The following EPG5 variants were observed in gnomAD, a reference collection of about 807,000 sequenced individuals.
EPG5 encodes the protein ectopic P granules protein 5 homolog.
In EPG5, 159 loss-of-function variants were observed where a neutral mutation model predicts 302.7. That is an observed-to-expected ratio of 0.53 (90% CI 0.46 to 0.60). The LOEUF (loss-of-function observed/expected upper bound fraction) is 0.60, where lower values mean the gene tolerates loss of function less well. Among genes scored for constraint, EPG5 ranks in the 20% least tolerant of loss-of-function variants. EPG5 has a pLI of 0.00. For synonymous variants in EPG5, 1,158 were observed against 1,136.8 expected, an observed-to-expected ratio of 1.02 and a Z score of -0.37; for missense variants, 2,896 against 3,092.4, an observed-to-expected ratio of 0.94 and a Z score of 1.51.
chr18:45,879,323 A>G, intron 32 of EPG5, 109 bp from the exon 33 acceptor site: 1 of 719,080 alleles, frequency 1.4e-6, no homozygotes. Context: ...TTTATAAGAG[A>G]GTGGCAAAAA....
chr18:45,934,642 T>A lies in EPG5; in HGVS notation c.2257+167A>T, dbSNP rs929025370. 2.6e-5 allele frequency among the ~76,000 whole-genome samples: 4 copies of A among 152,254 alleles called. No homozygotes were observed. In the East Asian group the frequency reaches 7.7e-4, roughly 29 times the overall value. On this transcript the variant is annotated intron_variant, in intron 11 of 43. Transcript: ENST00000282041. ...GATTTCAGATATGCTAGTTGCTATT[T>A]AATACATCAAAACTGTGAAGCAGTC...
At chr18:45,891,493 C>G (rs1051830799) in intron 27 of EPG5, among the ~76,000 whole-genome samples, 1 of 132,112 alleles carries the variant, frequency 7.6e-6, no homozygotes, top group African/African-American at 3.0e-5. Flanking sequence ...CGTGAGACTC[C>G]GTCTCAAAAA....
chr18:45,946,825 G>T, intron 6 of EPG5, 57 bp from the exon 7 acceptor site: 1 of 1,352,074 alleles, frequency 7.4e-7, no homozygotes, highest in Non-Finnish European at 1.1e-6. Context: ...TGAGTGCATT[G>T]TGGATTCTCT....
Position 45,954,748 on chromosome 18 carries a change from C to A in EPG5, c.654G>T (p.Gln218His), listed in dbSNP as rs753111853. ...CTTCTCCAGCAATTTCAGCTGGCAA[C>A]TGGGGATACAGTTTCTTCACTCTAG... is the stretch of plus-strand genomic sequence containing the variant. Reference protein sequence around the residue: ...QTPRVKKLYPQLPAEIAGEAP... With the variant: ...QTPRVKKLYPHLPAEIAGEAP... The change falls in exon 2 of 44, where the codon CAG becomes CAT. Residue 218 changes from glutamine to histidine, a missense_variant. Physicochemically the swap from Gln to His is conservative, Grantham distance 24. Coordinates refer to ENST00000282041, the MANE Select transcript of EPG5 (RefSeq NM_020964.3). The A allele has an allele frequency of 1.4e-5, 22 of 1,613,820 alleles. No individual in the cohort carries two copies. The Admixed American group carries it at 3.5e-4, about 26-fold the overall frequency.
rs778865590 is a variant in EPG5, at chr18:45,860,136, G to A, written c.6977C>T (p.Thr2326Ile). The A allele has an allele frequency of 3.1e-6, 5 of 1,614,252 alleles. No homozygotes were observed. The highest frequency in any genetic ancestry group is 1.3e-5 in the African/African-American group (1 of 75,080). The change falls in exon 40 of 44, where the codon ACA becomes ATA. Residue 2326 changes from threonine to isoleucine, a missense_variant. Around this residue, in one of 5 missense-constraint regions of EPG5, gnomAD observed 620 missense variants for 704.2 expected, o/e 0.88. Coordinates refer to ENST00000282041, the MANE Select transcript of EPG5 (RefSeq NM_020964.3). ...GAAGTAGGCAGTGATGCAGGCTTCTGTAGTCTCAGCCATGTGGCGGACGGA... is the reference window on the plus strand; with the variant it reads ...GAAGTAGGCAGTGATGCAGGCTTCTATAGTCTCAGCCATGTGGCGGACGGA... ...LASVRHMAETTEACITAYFKE... is the reference protein window; with the variant it reads ...LASVRHMAETIEACITAYFKE...
intron 20 of EPG5, among the ~76,000 whole-genome samples, chr18:45,914,563 C>T (rs1365218390): frequency 2.0e-5 from 3 of 152,264 alleles, no homozygotes; most frequent in Non-Finnish European, 2.9e-5. Context: ...TGGTTATGTG[C>T]GAAGCACTGT....
At chr18:45,916,401 A>C in intron 18 of EPG5, 37 bp downstream of exon 18, 1 of 1,593,936 alleles carries the variant, frequency 6.3e-7, no homozygotes, top group Non-Finnish European at 8.6e-7. Flanking sequence ...TTGGGAAGAC[A>C]GGCGGGAGTG....
downstream of EPG5, chr18:45,843,866 G>A (rs1278593734): frequency 6.6e-6 from 1 of 152,054 alleles, no homozygotes; most frequent in Non-Finnish European, 1.5e-5. Context: ...GCAACAGAGA[G>A]ACTGTCTCCA....
chr18:45,876,115 T>C, intron 35 of EPG5, 121 bp downstream of exon 35: 1 of 677,292 alleles, frequency 1.5e-6, no homozygotes, highest in Non-Finnish European at 2.5e-6. Flanking sequence ...ATCAGCGACT[T>C]TTCTTCAGTC....
intron 10 of EPG5, among the ~76,000 whole-genome samples, chr18:45,937,233 TATACAC>T (rs750709566): frequency 7.2e-4 from 55 of 76,316 alleles, no homozygotes; most frequent in East Asian, 5.0e-3. Flanking sequence ...TATACATATA[TATACAC>T]ACACACACAC....
chr18:45,960,090 G>A (rs973086424), intron 1 of EPG5, among the ~76,000 whole-genome samples: 2 of 152,114 alleles, frequency 1.3e-5, no homozygotes, highest in Non-Finnish European at 2.9e-5. Flanking sequence ...ACCAGCCTGG[G>A]CAACACAGGG....
At chr18:45,944,176 TAGC>T in intron 7 of EPG5, 57 bp from the exon 8 acceptor site, 4 of 1,091,414 alleles carry the variant, frequency 3.7e-6, no homozygotes, top group Non-Finnish European at 5.6e-6. Flanking sequence ...CACTATGATC[TAGC>T]GTTACAGGAG....
At chr18:45,890,580 T>TAA (rs11461248) in intron 27 of EPG5, among the ~76,000 whole-genome samples, 7 of 151,294 alleles carry the variant, frequency 4.6e-5, no homozygotes, top group South Asian at 2.1e-4. Flanking sequence ...TGAGCTTCTT[T>TAA]AAAAAAAAAC....
intron 30 of EPG5, among the ~76,000 whole-genome samples, chr18:45,883,753 C>A (rs1371108433): frequency 6.7e-6 from 1 of 150,220 alleles, no homozygotes; most frequent in Non-Finnish European, 1.5e-5. Context: ...GCCACTGCAC[C>A]CGACCAAAAC....
intron 10 of EPG5, among the ~76,000 whole-genome samples, chr18:45,936,009 C>T (rs2050514763): frequency 6.6e-6 from 1 of 152,088 alleles, no homozygotes; most frequent in African/African-American, 2.4e-5. Flanking sequence ...CAGTGATCCC[C>T]ACACTGTAGT....
intron 29 of EPG5, among the ~76,000 whole-genome samples, chr18:45,887,396 G>C (rs534122975): frequency 6.6e-6 from 1 of 152,270 alleles, no homozygotes; most frequent in Non-Finnish European, 1.5e-5. Flanking sequence ...TCATCTTTAA[G>C]AAGGGAATCT....
intron 2 of EPG5, chr18:45,953,619 T>C (rs572007973): frequency 7.1e-6 from 7 of 985,260 alleles, no homozygotes; most frequent in South Asian, 4.7e-5. Flanking sequence ...TTGGCCTCCA[T>C]AGGGTTGCAT....
intron 28 of EPG5, among the ~76,000 whole-genome samples, chr18:45,888,108 T>G (rs116136727): frequency 3.3e-4 from 50 of 151,854 alleles, no homozygotes; most frequent in African/African-American, 1.2e-3. Flanking sequence ...TTTTTTTTTT[T>G]CTTTTTGGGG....
intron 16 of EPG5, among the ~76,000 whole-genome samples, chr18:45,920,262 G>A (rs2050125195): frequency 6.6e-6 from 1 of 152,226 alleles, no homozygotes; most frequent in African/African-American, 2.4e-5. Flanking sequence ...AACAGTCAAT[G>A]AGGAGCAGGG....
Sources: allele counts gnomAD v4.1 joint callset (sites outside exome capture counted in the v4.1 genomes callset), GRCh38; gene constraint gnomAD v4.1.1; regional missense constraint gnomAD v4.1.1; transcripts MANE v1.5; gene names NCBI Gene and HGNC (gene_info 2026-07-23, HGNC 2026-07-21).